Variants in OSCAR observed in about 807,000 individuals in gnomAD.
OSCAR encodes the protein osteoclast associated Ig-like receptor, also known as osteoclast-associated immunoglobulin-like receptor.
Under a neutral mutation model 27.3 loss-of-function variants are expected in OSCAR, and 25 were observed. The ratio of observed to expected loss-of-function variants is 0.92; its 90% CI spans 0.67 to 1.28. OSCAR has a LOEUF of 1.28. Ranked by LOEUF, OSCAR falls within the 50% of genes most tolerant of loss-of-function variation. The pLI, the probability that OSCAR is intolerant of heterozygous loss-of-function variation, is 0.00. For missense variants in OSCAR, 354 were observed against 355.1 expected, an observed-to-expected ratio of 1.00 and a Z score of 0.03; for synonymous variants, 158 against 165.7, an observed-to-expected ratio of 0.95 and a Z score of 0.36.
At chr19:54,096,808 C>G (rs2072754487) in intron 3 of OSCAR, 54 bp downstream of exon 3, 3 of 1,563,826 alleles carry the variant, frequency 1.9e-6, no homozygotes, top group South Asian at 2.4e-5. Flanking sequence ...CTCTCTGTCC[C>G]TCCCCCAACT....
Position 54,096,851 on chromosome 19 carries a change from C to G in OSCAR, c.373+11G>C. The G allele has an allele frequency of 6.2e-6, 10 of 1,609,868 alleles. No individual in the cohort carries two copies. The highest frequency in any genetic ancestry group is 8.5e-6 in the Non-Finnish European group (10 of 1,177,440). On this transcript the variant is annotated intron_variant, in intron 3 of 4. Coordinates refer to ENST00000358375, the MANE Select transcript of OSCAR (RefSeq NM_133169.6). The stretch of plus-strand genomic sequence containing the variant: ...TCCACCCACTTCTCCTCCCCGACCC[C>G]AGGACCTCACCTGTCACCAGCAGCT...
chr19:54,098,293 G>A (rs959437284), intron 2 of OSCAR, among the ~76,000 whole-genome samples: 1 of 152,064 alleles, frequency 6.6e-6, no homozygotes, highest in Non-Finnish European at 1.5e-5. Flanking sequence ...TGTTGGGTCC[G>A]GTGGCTCACA....
At chr19:54,095,433 G>GCC in intron 4 of OSCAR, 76 bp from the exon 5 acceptor site, 3 of 1,502,956 alleles carry the variant, frequency 2.0e-6, no homozygotes, top group South Asian at 2.6e-5. Context: ...CAGGTTTCCA[G>GCC]CCCCTGGGGT....
chr19:54,100,009 G>A (rs775515601), intron 1 of OSCAR, among the ~76,000 whole-genome samples: 3 of 152,054 alleles, frequency 2.0e-5, no homozygotes, highest in Non-Finnish European at 2.9e-5. Flanking sequence ...GAGGGGTTTC[G>A]CCATGTTGGT....
At chr19:54,097,675 G>T (rs1007925548) in intron 2 of OSCAR, among the ~76,000 whole-genome samples, 1 of 139,408 alleles carries the variant, frequency 7.2e-6, no homozygotes, top group Non-Finnish European at 1.5e-5. Context: ...ACTCACTGCA[G>T]CCTCAATCTC....
Position 54,095,956 on chromosome 19 carries a change from CG to C in OSCAR, c.570del (p.Gly191AlafsTer40). 6.3e-7 allele frequency: 1 copy of C among 1,590,408 alleles called. No individual in the cohort carries two copies. Among genetic ancestry groups the C allele is most frequent in the Non-Finnish European group, 8.6e-7 (1 of 1,169,194 alleles). On this transcript the variant is annotated frameshift_variant, in exon 4 of 5. Transcript: ENST00000358375. LOFTEE classifies it high-confidence loss of function. ...ADFTLLGARAPGTYSCYYHTP... is the reference protein window; with the variant it reads ...ADFTLLGARAXGTYSCYYHTP... ...GTGTGATAGTAGCAGCTGTAGGTGC[CG>C]GGGGCGCGGGCGCCCAGCAGCGTGA...
intron 4 of OSCAR, chr19:54,095,582 C>A: frequency 8.2e-7 from 1 of 1,223,528 alleles, no homozygotes; most frequent in Non-Finnish European, 1.1e-6. Flanking sequence ...AGTCCTGGGT[C>A]CAGGAAGGAG....
chr19:54,099,472 G>C lies in OSCAR; in HGVS notation c.70+276C>G, dbSNP rs587733606. ...CCCATTTTACAGAGAAGGAAATGGA[G>C]TCTTAGCAAGCTGTGACTTGTTCTA... On this transcript the variant is annotated intron_variant, in intron 2 of 4. Transcript: ENST00000358375. 1.9e-5 allele frequency: 20 copies of C among 1,026,966 alleles called. No individual in the cohort carries two copies. In the African/African-American group the frequency reaches 2.8e-4, roughly 15 times the overall value. The allele number at this position is 1,026,966 out of a possible 1,614,324, so 63.6% of individuals were successfully genotyped here.
Position 54,095,137 on chromosome 19 carries a change from G to A in OSCAR, c.*84C>T. On this transcript the variant is annotated 3_prime_UTR_variant, in exon 5 of 5. Coordinates refer to ENST00000358375, the MANE Select transcript of OSCAR (RefSeq NM_133169.6). ...GGAGCTCAGCCAGCAGGACTGTGGG[G>A]CTGCAGGAAAGGACAGTCCAGCCCA... 6.6e-7 allele frequency: 1 copy of A among 1,518,396 alleles called. No homozygotes were observed. Among genetic ancestry groups the A allele is most frequent in the Non-Finnish European group, 8.9e-7 (1 of 1,129,474 alleles). 94.1% of individuals were successfully genotyped at this position (1,518,396 alleles called of 1,614,324 possible).
At chr19:54,099,251 T>TTTTTTG (rs1412223669) in intron 2 of OSCAR, among the ~76,000 whole-genome samples, 55 of 141,640 alleles carry the variant, frequency 3.9e-4, no homozygotes, top group Non-Finnish European at 6.2e-4. Context: ...TTTTTTTTTT[T>TTTTTTG]TTAGTAGAGA....
At chr19:54,097,616 G>A (rs2072820519) in intron 2 of OSCAR, among the ~76,000 whole-genome samples, 2 of 105,344 alleles carry the variant, frequency 1.9e-5, no homozygotes, top group Middle Eastern at 6.4e-3. Flanking sequence ...TTTTTTTGAG[G>A]CAGGGTCTTG....
At position 54,096,222 on chromosome 19, in the gene OSCAR, C is replaced by T. The variant is rs2072686205; in HGVS notation, c.374-69G>A. On this transcript the variant is annotated intron_variant, in intron 3 of 4. Coordinates refer to ENST00000358375, the MANE Select transcript of OSCAR (RefSeq NM_133169.6). ...CGCTCGCTCGCTCGCTCTGTTTCTC[C>T]TTCTCCTCTGTCTCTCGCTTTCTCT... 1.6e-5 allele frequency: 21 copies of T among 1,326,916 alleles called. 1 individual carries two copies. In the South Asian group the frequency reaches 2.8e-4, roughly 18 times the overall value. The allele number at this position is 1,326,916 out of a possible 1,614,324, so 82.2% of individuals were successfully genotyped here.
At chr19:54,095,506 C>T (rs1188219435) in intron 4 of OSCAR, 149 bp from the exon 5 acceptor site, 27 of 1,422,676 alleles carry the variant, frequency 1.9e-5, no homozygotes, top group Non-Finnish European at 2.5e-5. Context: ...GCTTCAACTC[C>T]TGGGTCCAGG....
chr19:54,100,617 C>G (rs2072997793), intron 1 of OSCAR, 139 bp downstream of exon 1: 2 of 897,556 alleles, frequency 2.2e-6, no homozygotes, highest in Non-Finnish European at 3.4e-6. Flanking sequence ...GGGGTCTGGG[C>G]CCCAGCCCTG....
At chr19:54,096,410 G>C (rs1336629488) in intron 3 of OSCAR, among the ~76,000 whole-genome samples, 2 of 93,742 alleles carry the variant, frequency 2.1e-5, no homozygotes, top group African/African-American at 4.6e-5. Context: ...CTCTCTCTCT[G>C]CCTCCCTCTC....
At chr19:54,099,223 C>T (rs587742969) in intron 2 of OSCAR, among the ~76,000 whole-genome samples, 14 of 115,930 alleles carry the variant, frequency 1.2e-4, no homozygotes, top group South Asian at 2.8e-4. Context: ...CCACCACACC[C>T]GGCTAATTTT....
chr19:54,095,971 C>G lies in OSCAR; in HGVS notation c.556G>C (p.Gly186Arg), dbSNP rs1172747069. ...CTGTAGGTGCCGGGGGCGCGGGCGC[C>G]CAGCAGCGTGAAGTCGGCCCAGGGC... is the stretch of plus-strand genomic sequence containing the variant. ...AQPWADFTLL[G>R]ARAPGTYSCY... Residue 186 changes from glycine (G) to arginine (R), a missense_variant, in exon 4 of 5, where the codon GGC becomes CGC. Coordinates refer to ENST00000358375, the MANE Select transcript of OSCAR (RefSeq NM_133169.6). 6.3e-7 allele frequency: 1 copy of G among 1,590,672 alleles called. No homozygotes were observed. Among genetic ancestry groups the G allele is most frequent in the African/African-American group, 1.3e-5 (1 of 74,704 alleles).
intron 2 of OSCAR, among the ~76,000 whole-genome samples, chr19:54,098,929 G>C (rs1159366977): frequency 6.6e-6 from 1 of 151,770 alleles, no homozygotes; most frequent in Non-Finnish European, 1.5e-5. Context: ...GTTGCAGTGA[G>C]CCGAGATTGC....
rs1345698127 is a variant in OSCAR at position 54,095,220 on chromosome 19, C to T, written c.*1G>A. The T allele has an allele frequency of 1.2e-6, 2 of 1,611,236 alleles. No individual in the cohort carries two copies. The highest frequency in any genetic ancestry group is 1.7e-6 in the Non-Finnish European group (2 of 1,178,888). ...GTCTCGGGCTGCAGTGCTCCTGGGG[C>T]TCAGGGGCGGATACCAGCAGGAGCG... On this transcript the variant is annotated 3_prime_UTR_variant, in exon 5 of 5. Transcript: ENST00000358375.
Sources: allele counts gnomAD v4.1 joint callset (sites outside exome capture counted in the v4.1 genomes callset), GRCh38; gene constraint gnomAD v4.1.1; transcripts MANE v1.5; gene names NCBI Gene and HGNC (gene_info 2026-07-23, HGNC 2026-07-21).